Variants in IL10RB observed in about 807,000 individuals in gnomAD.
The protein encoded by IL10RB is interleukin-10 receptor subunit beta.
A neutral mutation model predicts 38.7 loss-of-function variants in IL10RB; 30 were observed. That is an observed-to-expected ratio of 0.78 (90% CI 0.58 to 1.05). The LOEUF is 1.05. Among genes scored for constraint, IL10RB ranks in the 50% least tolerant of loss-of-function variants. The probability of loss-of-function intolerance (pLI) is 0.00; values close to 1 mark genes in which losing one functional copy is unlikely to be tolerated. For synonymous variants in IL10RB, 142 were observed against 145.9 expected, an observed-to-expected ratio of 0.97 and a Z score of 0.19; for missense variants, 328 against 397.1, an observed-to-expected ratio of 0.83 and a Z score of 1.48.
intron 4 of IL10RB, among the ~76,000 whole-genome samples, chr21:33,281,589 G>C (rs983242313): frequency 2.0e-5 from 3 of 152,136 alleles, no homozygotes; most frequent in African/African-American, 4.8e-5. Flanking sequence ...GTTTTTTGGG[G>C]GTTTTTTTGA....
intron 3 of IL10RB, 76 bp downstream of exon 3, chr21:33,276,829 A>G: frequency 7.8e-7 from 1 of 1,288,244 alleles, no homozygotes; most frequent in Non-Finnish European, 1.1e-6. Flanking sequence ...TTGGTCCATC[A>G]ACAAGAATTC....
exon 2 of IL10RB, chr21:33,309,990 C>T (rs1601843128): frequency 1.3e-5 from 2 of 152,202 alleles, no homozygotes; most frequent in African/African-American, 4.8e-5. Context: ...GGCCCTGAAT[C>T]GATGAGATTA....
exon 2 of IL10RB, chr21:33,309,027 C>CA (rs1421367512): frequency 6.6e-6 from 1 of 152,248 alleles, no homozygotes; most frequent in Non-Finnish European, 1.5e-5. Context: ...GAAACCCCAA[C>CA]AGCAGCTGAA....
At chr21:33,269,071 T>TC (rs1444572287) in intron 2 of IL10RB, among the ~76,000 whole-genome samples, 1 of 152,138 alleles carries the variant, frequency 6.6e-6, no homozygotes, top group Non-Finnish European at 1.5e-5. Flanking sequence ...GCTCAGTTTC[T>TC]CCGTGGTTCC....
At position 33,276,637 on chromosome 21, in the gene IL10RB, C is replaced by T. The variant is rs148466782; in HGVS notation, c.215C>T (p.Thr72Met). 1.2e-4 allele frequency: 191 copies of T among 1,612,662 alleles called. No homozygotes were observed. The East Asian group carries it at 1.9e-3, about 16-fold the overall frequency. ...FQDKCMNTTL[T>M]ECDFSSLSKY... The stretch of plus-strand genomic sequence containing the variant: ...GATAAATGCATGAATACTACCTTGA[C>T]GGAATGTGATTTCTCAAGTCTTTCC... Residue 72 changes from threonine to methionine, a missense_variant, in exon 3 of 7, where the codon ACG becomes ATG. By Grantham distance (81) the Thr-to-Met change is moderately conservative. Coordinates refer to ENST00000290200, the MANE Select transcript of IL10RB (RefSeq NM_000628.5).
chr21:33,282,386 A>T (rs1989296016), intron 4 of IL10RB, among the ~76,000 whole-genome samples: 1 of 152,056 alleles, frequency 6.6e-6, no homozygotes, highest in African/African-American at 2.4e-5. Context: ...ACAAAAAAAA[A>T]TTAGCTGAGT....
intron 5 of IL10RB, among the ~76,000 whole-genome samples, chr21:33,286,488 C>T (rs1203273054): frequency 1.3e-5 from 2 of 152,166 alleles, no homozygotes; most frequent in Non-Finnish European, 2.9e-5. Context: ...ACATCCTGGA[C>T]TCTGTCAAAG....
intron 3 of IL10RB, 89 bp downstream of exon 3, chr21:33,276,842 T>C: frequency 1.9e-6 from 2 of 1,072,602 alleles, no homozygotes; most frequent in Non-Finnish European, 2.9e-6. Context: ...AAGAATTCTT[T>C]GAGGGCCCAC....
intron 4 of IL10RB, among the ~76,000 whole-genome samples, chr21:33,280,152 C>T (rs2843701): frequency 0.51 from 77,864 of 152,042 alleles, 21,421 homozygotes; most frequent in African/African-American, 0.72. Flanking sequence ...TGAAGGGCAG[C>T]TGCAGGGGAA....
At chr21:33,307,450 C>G (rs1304397383) in intron 1 of IL10RB, among the ~76,000 whole-genome samples, 1 of 152,120 alleles carries the variant, frequency 6.6e-6, no homozygotes, top group East Asian at 1.9e-4. Flanking sequence ...ATGAGAAATC[C>G]CTTTGTCTTG....
rs8178538 is a variant in IL10RB, at chr21:33,290,854, CG to C, written c.804+2597del. Among the ~76,000 whole-genome samples, 92 of 152,290 alleles carry C rather than the reference CG, an allele frequency of 6.0e-4. 1 individual carries two copies. The highest frequency in any genetic ancestry group is 2.1e-3 in the African/African-American group (89 of 41,552). The stretch of plus-strand genomic sequence containing the variant: ...TGATACGGCGTCTCTACTAGTTTGT[CG>C]GGGCTGCTGTAGCAAAGTAGCACTC... On this transcript the variant is annotated intron_variant, in intron 6 of 6. Transcript: ENST00000290200.
At chr21:33,278,627 A>G (rs993753781) in intron 3 of IL10RB, among the ~76,000 whole-genome samples, 2 of 152,232 alleles carry the variant, frequency 1.3e-5, no homozygotes, top group African/African-American at 4.8e-5. Context: ...CATACAGGTC[A>G]TGAGTGGCTG....
chr21:33,273,573 AATAAG>A (rs1989118574), intron 2 of IL10RB, among the ~76,000 whole-genome samples: 1 of 152,178 alleles, frequency 6.6e-6, no homozygotes, highest in East Asian at 1.9e-4. Context: ...AATTTCTTGA[AATAAG>A]ATGACAATGA....
At chr21:33,292,088 C>A (rs1286595438) in intron 6 of IL10RB, among the ~76,000 whole-genome samples, 1 of 152,126 alleles carries the variant, frequency 6.6e-6, no homozygotes, top group African/African-American at 2.4e-5. Context: ...GAAATCTCCA[C>A]GCTCCAGCTA....
chr21:33,299,998 T>C (rs989249957), downstream of IL10RB, among the ~76,000 whole-genome samples: 2 of 152,180 alleles, frequency 1.3e-5, no homozygotes, highest in African/African-American at 2.4e-5. Context: ...GCCCCAGGAA[T>C]GCATCCTTCC....
intron 1 of IL10RB, among the ~76,000 whole-genome samples, chr21:33,304,732 C>T (rs1397999744): frequency 1.3e-5 from 2 of 152,210 alleles, no homozygotes; most frequent in South Asian, 4.1e-4. Context: ...GCCAGGAAGA[C>T]ATGAAATTGA....
rs768281751 is a variant in IL10RB at position 33,283,181 on chromosome 21, C to T, written c.586C>T (p.Pro196Ser). Residue 196 changes from proline to serine, a missense_variant, in exon 5 of 7, where the codon CCT (proline) becomes TCT (serine). Transcript: ENST00000290200. ...TTGTGTTCAAGTTCGAGGGTTTCTT[C>T]CTGATCGGAACAAAGCTGGGGAATG... ...TYCVQVRGFL[P>S]DRNKAGEWSE... 4 of 1,614,126 alleles carry T rather than the reference C, an allele frequency of 2.5e-6. No homozygotes were observed. Among genetic ancestry groups the T allele is most frequent in the Admixed American group, 3.3e-5 (2 of 60,008 alleles).
chr21:33,304,698 G>C (rs1221880029), intron 1 of IL10RB, among the ~76,000 whole-genome samples: 1 of 152,160 alleles, frequency 6.6e-6, no homozygotes, highest in South Asian at 2.1e-4. Context: ...AGTAGCAGAC[G>C]CCTCATCATT....
downstream of IL10RB, among the ~76,000 whole-genome samples, chr21:33,300,723 C>G (rs541532331): frequency 2.0e-5 from 3 of 152,296 alleles, no homozygotes; most frequent in African/African-American, 7.2e-5. Context: ...CTGCCCATCT[C>G]TTCCACCATG....
Sources: gnomAD v4.1 joint callset for allele counts (sites outside exome capture counted in the v4.1 genomes callset) on GRCh38, gnomAD v4.1.1 for gene constraint, MANE v1.5 for transcripts, NCBI Gene and HGNC (gene_info 2026-07-23, HGNC 2026-07-21) for gene names.